ZNF214: variants seen among roughly 807,000 people sequenced by gnomAD.
ZNF214 encodes BWSCR2-associated zinc finger protein 1.
In ZNF214, 43 loss-of-function variants were observed where a neutral mutation model predicts 53.9. That is an observed-to-expected ratio of 0.80 (90% CI 0.63 to 1.03). The LOEUF is 1.03. Ranked by LOEUF, ZNF214 falls within the 50% of genes least tolerant of loss-of-function variation. The probability of loss-of-function intolerance (pLI) is 0.00; values close to 1 mark genes in which losing one functional copy is unlikely to be tolerated. For missense variants in ZNF214, 724 were observed against 719.1 expected, an observed-to-expected ratio of 1.01 and a Z score of -0.08; for synonymous variants, 217 against 229.5, an observed-to-expected ratio of 0.95 and a Z score of 0.49.
chr11:7,005,086 T>A (rs1009666904), intron 1 of ZNF214, among the ~76,000 whole-genome samples: 10 of 152,038 alleles, frequency 6.6e-5, no homozygotes, highest in Middle Eastern at 3.4e-3. Flanking sequence ...AGAATTCTCT[T>A]AAATATATCA....
intron 2 of ZNF214, 60 bp from the exon 3 acceptor site, chr11:7,001,615 C>G: frequency 6.6e-7 from 1 of 1,509,506 alleles, no homozygotes; most frequent in East Asian, 2.3e-5. Context: ...AAATTTCCAA[C>G]TATCTAAATC....
rs780270840 is a variant in ZNF214, at chr11:7,000,965, T to C, written c.718A>G (p.Asn240Asp). ...WNSRCVFHKRNQPGENLCQCS... is the reference protein window; with the variant it reads ...WNSRCVFHKRDQPGENLCQCS... ...TGACAGAGGTTTTCTCCAGGTTGATTTCTCTTGTGGAAAACACACCGTGAG... is the reference window on the plus strand; with the variant it reads ...TGACAGAGGTTTTCTCCAGGTTGATCTCTCTTGTGGAAAACACACCGTGAG... The change falls in exon 3 of 3, where the codon AAT becomes GAT. Residue 240 changes from asparagine to aspartate, a missense_variant. Transcript: ENST00000278314. The C allele has an allele frequency of 1.2e-6, 2 of 1,612,878 alleles. No individual in the cohort carries two copies. The highest frequency in any genetic ancestry group is 2.7e-5 in the African/African-American group (2 of 74,870).
rs776401552 is a variant in ZNF214 at position 7,000,625 on chromosome 11, A to T, written c.1058T>A (p.Ile353Lys). Residue 353 changes from isoleucine to lysine, a missense_variant, in exon 3 of 3, where the codon ATA becomes AAA. Transcript: ENST00000278314. Reference protein sequence around the residue: ...SLLHIHQRLHIGEKPFKCNQC... With the variant: ...SLLHIHQRLHKGEKPFKCNQC... Reference sequence around the variant, plus strand: ...ATTACATTTAAAAGGCTTCTCTCCTATGTGAAGTCTCTGGTGAATGTGAAG... The same window carrying T: ...ATTACATTTAAAAGGCTTCTCTCCTTTGTGAAGTCTCTGGTGAATGTGAAG... 6.2e-7 allele frequency: 1 copy of T among 1,604,084 alleles called. No individual in the cohort carries two copies. Among genetic ancestry groups the T allele is most frequent in the Non-Finnish European group, 8.5e-7 (1 of 1,176,634 alleles).
At chr11:7,014,114 T>C (rs1405079333) in intron 1 of ZNF214, among the ~76,000 whole-genome samples, 1 of 152,194 alleles carries the variant, frequency 6.6e-6, no homozygotes, top group African/African-American at 2.4e-5. Context: ...TTTAAACTAC[T>C]GTGAAACTAC....
chr11:7,014,731 C>G (rs560908380), intron 1 of ZNF214, among the ~76,000 whole-genome samples: 1 of 148,162 alleles, frequency 6.7e-6, no homozygotes, highest in South Asian at 2.2e-4. Context: ...CTTTGGGAGG[C>G]TGAGGCAGGC....
In ZNF214 at chr11:6,997,753, G is replaced by T. The variant is rs749309779; in HGVS notation, c.*2109C>A. On this transcript the variant is annotated 3_prime_UTR_variant, in exon 3 of 3. Coordinates refer to ENST00000278314, the MANE Select transcript of ZNF214 (RefSeq NM_013249.4). Reference sequence around the variant, plus strand: ...AGTTAAATTTGAATTTCAAATGTATGAAATTTTAGTGTAAGTCCCATGCAA... The same window carrying T: ...AGTTAAATTTGAATTTCAAATGTATTAAATTTTAGTGTAAGTCCCATGCAA... Among the ~76,000 whole-genome samples the T allele has an allele frequency of 1.3e-5, 2 of 151,810 alleles. No homozygotes were observed. The highest frequency in any genetic ancestry group is 4.8e-5 in the African/African-American group (2 of 41,374).
In ZNF214 at chr11:7,001,353, G is replaced by A; in HGVS notation, c.330C>T (p.Ser110=). Residue 110 remains serine (S), a synonymous_variant, in exon 3 of 3, where the codon TCC becomes TCT. Coordinates refer to ENST00000278314, the MANE Select transcript of ZNF214 (RefSeq NM_013249.4). ...RSQCQEWLIL[S]TQVPGYGNYE... ...AGTTCCCATACCCTGGTACTTGTGT[G>A]GAGAGTATTAACCATTCCTGACACT... is the stretch of plus-strand genomic sequence containing the variant. 1 of 1,613,120 alleles carries A rather than the reference G, an allele frequency of 6.2e-7. No individual in the cohort carries two copies. The highest frequency in any genetic ancestry group is 8.5e-7 in the Non-Finnish European group (1 of 1,179,400).
chr11:7,012,744 C>T (rs906786882), intron 1 of ZNF214, among the ~76,000 whole-genome samples: 2 of 152,074 alleles, frequency 1.3e-5, no homozygotes, highest in Admixed American at 6.5e-5. Context: ...GCATCAGAAA[C>T]GAAAAACTCT....
chr11:7,007,084 C>T (rs2133395258), intron 1 of ZNF214, among the ~76,000 whole-genome samples: 1 of 151,878 alleles, frequency 6.6e-6, no homozygotes, highest in South Asian at 2.1e-4. Flanking sequence ...ACAATACAAA[C>T]ATGAGGGGAG....
chr11:7,002,717 A>C lies in ZNF214; in HGVS notation c.119T>G (p.Met40Arg). 1 of 1,598,134 alleles carries C rather than the reference A, an allele frequency of 6.3e-7. No individual in the cohort carries two copies. The highest frequency in any genetic ancestry group is 1.1e-5 in the South Asian group (1 of 87,992). The stretch of plus-strand genomic sequence containing the variant: ...AGACGGGATAACTTTACCTACTGAC[A>C]TGACATTTGTGTAGTTCTCCCACAT... ...EVMWENYTNVMSVENWNESYK... is the reference protein window; with the variant it reads ...EVMWENYTNVRSVENWNESYK... The change falls in exon 2 of 3, where the codon ATG becomes AGG. Residue 40 changes from methionine (M) to arginine (R), a missense_variant. By Grantham distance (91) the Met-to-Arg change is moderately conservative (BLOSUM62 -1). Transcript: ENST00000278314.
rs550403674 is a variant in ZNF214, at chr11:6,998,598, A to G, written c.*1264T>C. Among the ~76,000 whole-genome samples, 11 of 152,050 alleles carry G rather than the reference A, an allele frequency of 7.2e-5. No homozygotes were observed. The highest frequency in any genetic ancestry group is 2.4e-4 in the African/African-American group (10 of 41,518). On this transcript the variant is annotated 3_prime_UTR_variant, in exon 3 of 3. Transcript: ENST00000278314. ...GATACAGTATTTCAGAGCTCCCTGAAGTCCTTCTTTGTTGTATCTATTTCT... is the reference window on the plus strand; with the variant it reads ...GATACAGTATTTCAGAGCTCCCTGAGGTCCTTCTTTGTTGTATCTATTTCT...
At chr11:7,008,366 G>A (rs1290021405) in intron 1 of ZNF214, among the ~76,000 whole-genome samples, 1 of 152,158 alleles carries the variant, frequency 6.6e-6, no homozygotes, top group African/African-American at 2.4e-5. Context: ...CTGGGAGGTT[G>A]AGGCTGCAAT....
At chr11:7,004,848 G>A (rs1851437931) in intron 1 of ZNF214, among the ~76,000 whole-genome samples, 1 of 152,010 alleles carries the variant, frequency 6.6e-6, no homozygotes, top group Non-Finnish European at 1.5e-5. Context: ...AACTTCATGA[G>A]ACACCTTGAG....
At chr11:7,013,935 G>A (rs1435696861) in intron 1 of ZNF214, among the ~76,000 whole-genome samples, 3 of 152,098 alleles carry the variant, frequency 2.0e-5, no homozygotes, top group Admixed American at 6.6e-5. Context: ...ATGCCAAAAA[G>A]TATACTTATT....
At chr11:7,019,844 CG>C (rs1851871268) in intron 1 of ZNF214, 1 of 152,246 alleles carries the variant, frequency 6.6e-6, no homozygotes, top group Non-Finnish European at 1.5e-5. Context: ...TCCCCCAACG[CG>C]TCACGGGCTG....
rs1564988073 is a variant in ZNF214 at position 6,999,991 on chromosome 11, A to C, written c.1692T>G (p.Ser564Arg). ...YQCAKCGKGF[S>R]HSSALRIHQR... ...GATGAATTCGAAGAGCTGAGCTATG[A>C]CTGAAACCTTTACCACACTTAGCAC... The change falls in exon 3 of 3, where the codon AGT becomes AGG. Residue 564 changes from serine (S) to arginine (R), a missense_variant. By Grantham distance (110) the Ser-to-Arg change is moderately radical (BLOSUM62 -1). Transcript: ENST00000278314. 6.2e-7 allele frequency: 1 copy of C among 1,613,300 alleles called. No individual in the cohort carries two copies. Among genetic ancestry groups the C allele is most frequent in the Non-Finnish European group, 8.5e-7 (1 of 1,179,524 alleles).
At chr11:7,015,254 TAAAG>T (rs952867824) in intron 1 of ZNF214, among the ~76,000 whole-genome samples, 12 of 152,016 alleles carry the variant, frequency 7.9e-5, no homozygotes, top group African/African-American at 2.7e-4. Flanking sequence ...AGAACCTATA[TAAAG>T]ATAGTTTTAG....
intron 1 of ZNF214, chr11:7,015,681 C>T (rs1851747211): frequency 6.6e-6 from 1 of 152,022 alleles, no homozygotes. Flanking sequence ...TCTAACTAAA[C>T]TTATCTCTAT....
At chr11:7,018,596 G>C (rs906314641) in intron 1 of ZNF214, among the ~76,000 whole-genome samples, 1 of 141,898 alleles carries the variant, frequency 7.0e-6, no homozygotes, top group African/African-American at 2.6e-5. Context: ...CAGCCTCCCG[G>C]GTTCAAGCAA....
Sources: allele counts gnomAD v4.1 joint callset (sites outside exome capture counted in the v4.1 genomes callset), GRCh38; gene constraint gnomAD v4.1.1; transcripts MANE v1.5; gene names NCBI Gene and HGNC (gene_info 2026-07-23, HGNC 2026-07-21).